The following LRRC17 variants were observed in gnomAD, a reference collection of about 807,000 sequenced individuals.
LRRC17 encodes the protein leucine rich repeat containing 17.
LRRC17 carries 33 observed loss-of-function variants against 41.5 expected under a neutral mutation model. That is an observed-to-expected ratio of 0.80 (90% CI 0.60 to 1.06). The LOEUF is 1.06. Among genes scored for constraint, LRRC17 ranks in the 50% least tolerant of loss-of-function variants. The pLI, the probability that LRRC17 is intolerant of heterozygous loss-of-function variation, is 0.00. For missense variants in LRRC17, 491 were observed against 519.3 expected (o/e 0.95, Z 0.53); for synonymous variants, 192 against 197.0 (o/e 0.97, Z 0.21).
chr7:102,913,296 A>T lies in LRRC17; in HGVS notation c.-141+151A>T. 5.1e-6 allele frequency: 8 copies of T among 1,556,654 alleles called. No individual in the cohort carries two copies. The South Asian group carries it at 9.4e-5, about 18-fold the overall frequency. On this transcript the variant is annotated intron_variant, in intron 1 of 3. Coordinates refer to ENST00000339431, the MANE Select transcript of LRRC17 (RefSeq NM_001031692.3). ...CTTTCTTAAGCCACTATGACAAAGA[A>T]AACTGTAAATTCAACTCTTCTTCTT...
rs183127968 is a variant in LRRC17, at chr7:102,941,882, A to G, written c.928+2297A>G. 6.6e-4 allele frequency among the ~76,000 whole-genome samples: 101 copies of G among 152,320 alleles called. 4 individuals are homozygous for G. The East Asian group carries it at 0.012, about 18-fold the overall frequency. ...AAAACTTGAGAAAAATGAGAAGACA[A>G]TGCAAAGAGATAGATAATAGTGTAA... On this transcript the variant is annotated intron_variant, in intron 3 of 3. Transcript: ENST00000339431.
intron 2 of LRRC17, among the ~76,000 whole-genome samples, chr7:102,934,948 G>A (rs1291796413): frequency 1.3e-5 from 2 of 152,188 alleles, no homozygotes; most frequent in Admixed American, 1.3e-4. Context: ...CACATCGCAA[G>A]CTGTCACTGT....
At chr7:102,926,308 T>C in intron 1 of LRRC17, 1 of 1,613,908 alleles carries the variant, frequency 6.2e-7, no homozygotes, top group Non-Finnish European at 8.5e-7. Context: ...TTGGTGATAG[T>C]TGTGTTAGAC....
At position 102,939,524 on chromosome 7, in the gene LRRC17, A is replaced by G; in HGVS notation, c.867A>G (p.Glu289=). 6.2e-7 allele frequency: 1 copy of G among 1,614,100 alleles called. No individual in the cohort carries two copies. The highest frequency in any genetic ancestry group is 8.5e-7 in the Non-Finnish European group (1 of 1,179,970). The change falls in exon 3 of 4, where the codon GAA becomes GAG. Residue 289 remains glutamate, a synonymous_variant. Transcript: ENST00000339431. ...KINQLRPKEF[E]DVHELKKLNL... The stretch of plus-strand genomic sequence containing the variant: ...ACCAACTTCGACCCAAGGAATTTGA[A>G]GATGTTCATGAGCTGAAGAAATTAA...
chr7:102,924,388 T>G (rs909160148), intron 1 of LRRC17, among the ~76,000 whole-genome samples: 2 of 152,188 alleles, frequency 1.3e-5, no homozygotes, highest in South Asian at 4.1e-4. Context: ...ATTATATATT[T>G]AAGTAAAAAT....
chr7:102,938,244 T>A (rs972338927), intron 2 of LRRC17, among the ~76,000 whole-genome samples: 12 of 152,222 alleles, frequency 7.9e-5, no homozygotes, highest in African/African-American at 2.9e-4. Context: ...TAAGGAGTTA[T>A]TTTACTTCTA....
intron 2 of LRRC17, among the ~76,000 whole-genome samples, chr7:102,936,483 T>C (rs1057114366): frequency 6.6e-6 from 1 of 152,246 alleles, no homozygotes; most frequent in African/African-American, 2.4e-5. Context: ...TAAGTAAATG[T>C]AGTTTTTCTA....
rs186930297 is a variant in LRRC17 at position 102,917,127 on chromosome 7, T to C, written c.-141+3982T>C. 5.5e-4 allele frequency among the ~76,000 whole-genome samples: 84 copies of C among 152,334 alleles called. No individual in the cohort carries two copies. In the Middle Eastern group the frequency reaches 0.01, roughly 19 times the overall value. On this transcript the variant is annotated intron_variant, in intron 1 of 3. Transcript: ENST00000339431. ...TCTGGTTTCACAGAGGCATTTCAAG[T>C]AATAGAATTCTGCAGAAAACCTAAA...
At position 102,934,481 on chromosome 7, in the gene LRRC17, G is replaced by A. The variant is rs769485785; in HGVS notation, c.568G>A (p.Ala190Thr). Residue 190 changes from alanine to threonine, a missense_variant, in exon 2 of 4, where the codon GCC becomes ACC. Physicochemically the swap from Ala to Thr is moderately conservative, Grantham distance 58. Transcript: ENST00000339431. ...CAGGAACCGGAATTTGGGGAACTAC[G>A]CCAAGTGTGAAAGTCCACAAGAACA... is the stretch of plus-strand genomic sequence containing the variant. ...IPRNRNLGNY[A>T]KCESPQEQKN... is the part of the protein sequence containing the mutation. The A allele has an allele frequency of 6.2e-6, 10 of 1,614,016 alleles. No individual in the cohort carries two copies. The highest frequency in any genetic ancestry group is 2.7e-5 in the African/African-American group (2 of 74,914).
intron 1 of LRRC17, among the ~76,000 whole-genome samples, chr7:102,922,205 TTAAA>T (rs1292411876): frequency 3.3e-5 from 5 of 149,614 alleles, no homozygotes; most frequent in Admixed American, 6.6e-5. Flanking sequence ...AAAAAAAAAA[TTAAA>T]TAAATAAATA....
chr7:102,919,761 T>C (rs577870180), intron 1 of LRRC17, among the ~76,000 whole-genome samples: 2 of 152,308 alleles, frequency 1.3e-5, no homozygotes, highest in South Asian at 2.1e-4. Context: ...TCCAAGATAA[T>C]AGTCATTTTC....
chr7:102,944,189 A>G, intron 3 of LRRC17, 21 bp from the exon 4 acceptor site: 7 of 1,578,508 alleles, frequency 4.4e-6, no homozygotes, highest in African/African-American at 1.4e-5. Flanking sequence ...CTCAGGCTCA[A>G]TAAATATTTT....
intron 1 of LRRC17, among the ~76,000 whole-genome samples, chr7:102,921,321 A>G (rs1816969653): frequency 6.6e-6 from 1 of 152,254 alleles, no homozygotes; most frequent in South Asian, 2.1e-4. Flanking sequence ...GGCAACTAAT[A>G]TATCACTATT....
chr7:102,942,139 T>C lies in LRRC17; in HGVS notation c.929-2071T>C, dbSNP rs1585057693. The C allele has an allele frequency of 1.1e-5, 6 of 536,282 alleles. No individual in the cohort carries two copies. The East Asian group carries it at 1.8e-4, about 16-fold the overall frequency. 33.2% of individuals were successfully genotyped at this position (536,282 alleles called of 1,614,324 possible). A position where few individuals can be genotyped will look rare whatever the true frequency, so the allele number is the denominator to read the frequency against. On this transcript the variant is annotated intron_variant, in intron 3 of 3. Transcript: ENST00000339431. The stretch of plus-strand genomic sequence containing the variant: ...TTTGTTCAATTCAATCTCAGGAACG[T>C]ATTTCCTACATTAATAAATATTTAC...
intron 1 of LRRC17, among the ~76,000 whole-genome samples, chr7:102,919,809 T>A (rs1348806761): frequency 1.3e-5 from 2 of 152,208 alleles, no homozygotes; most frequent in Non-Finnish European, 2.9e-5. Context: ...CTCATGCATC[T>A]TTACTGAAAA....
chr7:102,932,045 G>T, intron 1 of LRRC17: 7 of 982,014 alleles, frequency 7.1e-6, no homozygotes, highest in Non-Finnish European at 1.0e-5. Context: ...CAAAAACCTT[G>T]GCAAGTAACA....
intron 1 of LRRC17, chr7:102,931,983 A>C (rs1177547822): frequency 6.4e-7 from 1 of 1,569,576 alleles, no homozygotes; most frequent in Admixed American, 1.7e-5. Context: ...CAAATGTTTA[A>C]ACAAAGTTTT....
intron 1 of LRRC17, among the ~76,000 whole-genome samples, chr7:102,915,448 C>T (rs1815644933): frequency 6.6e-6 from 1 of 151,868 alleles, no homozygotes; most frequent in South Asian, 2.1e-4. Flanking sequence ...AAGAGTGGTG[C>T]ATACAATAAT....
chr7:102,925,572 C>T (rs955592596), intron 1 of LRRC17, among the ~76,000 whole-genome samples: 1 of 152,104 alleles, frequency 6.6e-6, no homozygotes, highest in African/African-American at 2.4e-5. Context: ...GGAGTCTCAA[C>T]AGGTAGCCAG....
Sources: allele counts gnomAD v4.1 joint callset (sites outside exome capture counted in the v4.1 genomes callset), GRCh38; gene constraint gnomAD v4.1.1; transcripts MANE v1.5; gene names NCBI Gene and HGNC (gene_info 2026-07-23, HGNC 2026-07-21).